Variants in CSMD1 observed in about 807,000 individuals in gnomAD.
CSMD1 encodes the protein CUB and Sushi multiple domains 1.
CSMD1 carries 213 observed loss-of-function variants against 417.5 expected under a neutral mutation model. The ratio of observed to expected loss-of-function variants is 0.51; its 90% CI spans 0.46 to 0.57. CSMD1 has a LOEUF of 0.57. Ranked by LOEUF, CSMD1 falls within the 20% of genes least tolerant of loss-of-function variation. The pLI is 0.00. For missense variants in CSMD1, 6,923 were observed against 4,529.7 expected, an observed-to-expected ratio of 1.53 and a Z score of -15.17; for synonymous variants, 2,862 against 1,736.8, an observed-to-expected ratio of 1.65 and a Z score of -16.11.
chr8:4,001,932 T>A (rs1815708377), intron 4 of CSMD1, among the ~76,000 whole-genome samples: 1 of 152,224 alleles, frequency 6.6e-6, no homozygotes, highest in African/African-American at 2.4e-5. Flanking sequence ...ACTATTGCAT[T>A]TCTTCAGTAG....
At chr8:4,440,282 G>A (rs565435727) in intron 2 of CSMD1, among the ~76,000 whole-genome samples, 2 of 152,044 alleles carry the variant, frequency 1.3e-5, no homozygotes, top group Admixed American at 6.6e-5. Flanking sequence ...TCACAGCATT[G>A]GTACTATAAC....
intron 12 of CSMD1, among the ~76,000 whole-genome samples, chr8:3,456,109 C>T (rs976761013): frequency 9.8e-5 from 15 of 152,314 alleles, no homozygotes; most frequent in East Asian, 1.9e-4. Context: ...ACCCTCAAAG[C>T]CAGGTGCAGG....
chr8:3,443,505 T>G (rs1444721203), intron 12 of CSMD1, among the ~76,000 whole-genome samples: 1 of 152,216 alleles, frequency 6.6e-6, no homozygotes, highest in Non-Finnish European at 1.5e-5. Flanking sequence ...TGTGCGTCTG[T>G]TTCTTAAAAG....
At chr8:3,633,881 C>T (rs1289310601) in intron 7 of CSMD1, among the ~76,000 whole-genome samples, 3 of 152,214 alleles carry the variant, frequency 2.0e-5, no homozygotes, top group East Asian at 1.9e-4. Flanking sequence ...AGAAACCTGA[C>T]GTATGTATTC....
At chr8:4,365,946 G>A (rs778714246) in intron 3 of CSMD1, among the ~76,000 whole-genome samples, 1 of 151,772 alleles carries the variant, frequency 6.6e-6, no homozygotes, top group African/African-American at 2.4e-5. Context: ...AATGTTTTTA[G>A]GTTCAGGGTA....
chr8:3,213,392 C>T (rs1230430994), intron 30 of CSMD1, among the ~76,000 whole-genome samples: 1 of 152,006 alleles, frequency 6.6e-6, no homozygotes, highest in African/African-American at 2.4e-5. Flanking sequence ...CTATAGAGAC[C>T]CCCATGAAAC....
In CSMD1 at chr8:3,674,688, G is replaced by C. The variant is rs532009948; in HGVS notation, c.1009+33726C>G. The stretch of plus-strand genomic sequence containing the variant: ...TTTTTCTAGCCATATAACCAGCAGA[G>C]GCAGAGAATGAGATGAGAGCCCCAG... On this transcript the variant is annotated intron_variant, in intron 7 of 69. Transcript: ENST00000635120. 1.1e-4 allele frequency among the ~76,000 whole-genome samples: 16 copies of C among 152,166 alleles called. No individual in the cohort carries two copies. The South Asian group carries it at 3.3e-3, about 32-fold the overall frequency.
chr8:3,325,272 A>G (rs1279377786), intron 23 of CSMD1, among the ~76,000 whole-genome samples: 1 of 152,186 alleles, frequency 6.6e-6, no homozygotes, highest in Non-Finnish European at 1.5e-5. Flanking sequence ...GACTAATACA[A>G]TCACAATCAC....
At chr8:4,040,663 T>C (rs761495759) in intron 3 of CSMD1, among the ~76,000 whole-genome samples, 4 of 152,068 alleles carry the variant, frequency 2.6e-5, no homozygotes, top group African/African-American at 9.7e-5. Context: ...AACATAGTTT[T>C]AAAAAACATG....
intron 1 of CSMD1, among the ~76,000 whole-genome samples, chr8:4,983,689 AT>A (rs375095799): frequency 1.4e-3 from 213 of 150,654 alleles, no homozygotes; most frequent in African/African-American, 5.0e-3. Flanking sequence ...CACCCAGCTA[AT>A]TTTTTTTTTC....
chr8:3,963,613 G>A (rs1238702243), intron 5 of CSMD1, among the ~76,000 whole-genome samples: 2 of 152,136 alleles, frequency 1.3e-5, no homozygotes, highest in African/African-American at 2.4e-5. Context: ...AAATTTAGTA[G>A]CACATATGGT....
At chr8:2,995,196 G>A (rs1487501254) in intron 54 of CSMD1, among the ~76,000 whole-genome samples, 2 of 152,052 alleles carry the variant, frequency 1.3e-5, no homozygotes, top group East Asian at 3.8e-4. Flanking sequence ...GTCTTAAAAA[G>A]CAAACAAAAA....
intron 7 of CSMD1, among the ~76,000 whole-genome samples, chr8:3,700,929 G>A (rs1800825763): frequency 6.6e-6 from 1 of 152,016 alleles, no homozygotes; most frequent in African/African-American, 2.4e-5. Flanking sequence ...CTGATTGCAG[G>A]GTGGGACTTT....
chr8:4,622,243 G>C (rs1017357003), intron 2 of CSMD1, among the ~76,000 whole-genome samples: 2 of 151,770 alleles, frequency 1.3e-5, no homozygotes, highest in African/African-American at 2.4e-5. Flanking sequence ...AGTACTCAAA[G>C]AAGAAAAAGG....
At chr8:3,346,019 T>C (rs1807966266) in intron 22 of CSMD1, among the ~76,000 whole-genome samples, 1 of 152,194 alleles carries the variant, frequency 6.6e-6, no homozygotes, top group African/African-American at 2.4e-5. Context: ...TAGTCTTTAT[T>C]ATTACATCAC....
chr8:3,398,135 C>A (rs1399051457), intron 16 of CSMD1, among the ~76,000 whole-genome samples: 1 of 152,066 alleles, frequency 6.6e-6, no homozygotes, highest in Non-Finnish European at 1.5e-5. Context: ...AATAGACTGG[C>A]CAGAGAAGAA....
intron 41 of CSMD1, among the ~76,000 whole-genome samples, chr8:3,123,225 G>A (rs79117819): frequency 1.3e-5 from 2 of 152,004 alleles, no homozygotes; most frequent in East Asian, 1.9e-4. Context: ...TTCCCCCATC[G>A]TGTGGCTCCC....
At chr8:3,563,773 C>T (rs1419919903) in intron 10 of CSMD1, among the ~76,000 whole-genome samples, 1 of 152,022 alleles carries the variant, frequency 6.6e-6, no homozygotes, top group Non-Finnish European at 1.5e-5. Context: ...TCTGTAATCA[C>T]AGCTACTCGG....
Position 4,061,934 on chromosome 8 carries a change from C to G in CSMD1, c.416-29835G>C, listed in dbSNP as rs116130510. 2.8e-3 allele frequency among the ~76,000 whole-genome samples: 423 copies of G among 152,210 alleles called. 3 individuals carry two copies. The highest frequency in any genetic ancestry group is 9.7e-3 in the African/African-American group (401 of 41,542). ...AAATCAATTATGCATTACTGACTAA[C>G]GAAAGATTCTTCATCAGCATTATCT... On this transcript the variant is annotated intron_variant, in intron 3 of 69. Coordinates refer to ENST00000635120, the MANE Select transcript of CSMD1 (RefSeq NM_033225.6).
Sources: gnomAD v4.1 joint callset for allele counts (sites outside exome capture counted in the v4.1 genomes callset) on GRCh38, gnomAD v4.1.1 for gene constraint, MANE v1.5 for transcripts, NCBI Gene and HGNC (gene_info 2026-07-23, HGNC 2026-07-21) for gene names.